PRR16: variants seen among roughly 807,000 people sequenced by gnomAD.
PRR16 encodes protein Largen.
In PRR16, 6 loss-of-function variants were observed where a neutral mutation model predicts 18.2. The observed-to-expected ratio is 0.33, with a 90% CI of 0.18 to 0.65. The LOEUF (loss-of-function observed/expected upper bound fraction) is 0.65, where lower values mean the gene tolerates loss of function less well. Ranked by LOEUF, PRR16 falls within the 30% of genes least tolerant of loss-of-function variation. The probability of loss-of-function intolerance (pLI) is 0.74; values close to 1 mark genes in which losing one functional copy is unlikely to be tolerated. For missense variants in PRR16, 412 were observed against 376.6 expected, an observed-to-expected ratio of 1.09 and a Z score of -0.78; for synonymous variants, 151 against 147.8, an observed-to-expected ratio of 1.02 and a Z score of -0.16.
intron 1 of PRR16, among the ~76,000 whole-genome samples, chr5:120,577,559 C>G: frequency 6.6e-6 from 1 of 152,066 alleles, no homozygotes; most frequent in East Asian, 1.9e-4. Flanking sequence ...CAAACACTAC[C>G]TCTTAGGAGT....
At chr5:120,488,447 T>C (rs557806916) in intron 1 of PRR16, among the ~76,000 whole-genome samples, 1 of 152,330 alleles carries the variant, frequency 6.6e-6, no homozygotes, top group East Asian at 1.9e-4. Context: ...GAGGTGTTTA[T>C]AGTATTCTCT....
At chr5:120,586,374 A>G (rs937286790) in intron 1 of PRR16, among the ~76,000 whole-genome samples, 3 of 152,184 alleles carry the variant, frequency 2.0e-5, no homozygotes, top group South Asian at 2.1e-4. Context: ...TTCTAAAGTA[A>G]TACTGGCATA....
the PRR16 span, among the ~76,000 whole-genome samples, chr5:120,702,678 C>T: frequency 3.9e-5 from 6 of 152,150 alleles, no homozygotes; most frequent in Non-Finnish European, 8.8e-5. Flanking sequence ...ACGGATAAAA[C>T]GTGTCTTCTT....
At chr5:120,571,232 A>T (rs1275563354) in intron 1 of PRR16, among the ~76,000 whole-genome samples, 2 of 152,192 alleles carry the variant, frequency 1.3e-5, no homozygotes, top group Non-Finnish European at 2.9e-5. Context: ...AGGTTAAGGC[A>T]TGTGCATTGC....
chr5:120,491,695 C>A (rs1750055603), intron 1 of PRR16, among the ~76,000 whole-genome samples: 1 of 152,032 alleles, frequency 6.6e-6, no homozygotes, highest in Admixed American at 6.6e-5. Context: ...AGCCACCCGC[C>A]ACCACACCCA....
chr5:120,630,786 C>T (rs1755026411), intron 1 of PRR16, among the ~76,000 whole-genome samples: 1 of 152,098 alleles, frequency 6.6e-6, no homozygotes, highest in Admixed American at 6.6e-5. Flanking sequence ...TGATCAACTT[C>T]CTCCCCAACA....
chr5:120,541,818 A>T (rs565387694), intron 1 of PRR16, among the ~76,000 whole-genome samples: 1 of 152,250 alleles, frequency 6.6e-6, no homozygotes, highest in East Asian at 1.9e-4. Flanking sequence ...TGTGGAATAG[A>T]TATTTTCATC....
chr5:120,562,660 C>T (rs1608669), intron 1 of PRR16, among the ~76,000 whole-genome samples: 50,586 of 151,720 alleles, frequency 0.33, 8,703 homozygotes, highest in African/African-American at 0.38. Flanking sequence ...GTTTTTTGAT[C>T]TGAGGTTACT....
chr5:120,768,729 CAAAA>C, the PRR16 span, among the ~76,000 whole-genome samples: 429 of 151,648 alleles, frequency 2.8e-3, 2 homozygotes, highest in Middle Eastern at 6.8e-3. Context: ...TGATTAAAGT[CAAAA>C]AATATTTGAA....
the PRR16 span, among the ~76,000 whole-genome samples, chr5:120,732,857 A>G: frequency 1.3e-5 from 2 of 152,208 alleles, no homozygotes; most frequent in African/African-American, 4.8e-5. Flanking sequence ...GAATGAATAA[A>G]TGAGTTTTAA....
chr5:120,470,538 A>G (rs778493940), intron 1 of PRR16, among the ~76,000 whole-genome samples: 1 of 152,158 alleles, frequency 6.6e-6, no homozygotes, highest in Admixed American at 6.6e-5. Context: ...GATCGTAACT[A>G]TTACACAGAT....
chr5:120,703,757 A>C, the PRR16 span, among the ~76,000 whole-genome samples: 2 of 152,184 alleles, frequency 1.3e-5, no homozygotes, highest in Admixed American at 6.5e-5. Context: ...TTTCTTATTG[A>C]TGGTTAAAAA....
At chr5:120,493,835 G>T (rs1750150419) in intron 1 of PRR16, among the ~76,000 whole-genome samples, 1 of 152,078 alleles carries the variant, frequency 6.6e-6, no homozygotes, top group Admixed American at 6.6e-5. Context: ...ATACTCTGGA[G>T]ATTCATGCAG....
the PRR16 span, among the ~76,000 whole-genome samples, chr5:120,746,758 G>A: frequency 6.6e-6 from 1 of 152,114 alleles, no homozygotes; most frequent in East Asian, 1.9e-4. Flanking sequence ...GAGAAACATT[G>A]TAACGGAAAA....
the PRR16 span, among the ~76,000 whole-genome samples, chr5:120,774,825 CA>C: frequency 6.6e-6 from 1 of 152,094 alleles, no homozygotes; most frequent in Non-Finnish European, 1.5e-5. Context: ...CAATCATAAG[CA>C]AAATATTATG....
At chr5:120,787,282 C>G in the PRR16 span, among the ~76,000 whole-genome samples, 1 of 151,946 alleles carries the variant, frequency 6.6e-6, no homozygotes, top group Admixed American at 6.6e-5. Context: ...ATTAAATAGG[C>G]AAAATTTTAC....
chr5:120,792,790 G>A, the PRR16 span, among the ~76,000 whole-genome samples: 1 of 151,996 alleles, frequency 6.6e-6, no homozygotes, highest in African/African-American at 2.4e-5. Flanking sequence ...AAATCTAGTT[G>A]GAGAGAACTA....
Position 120,530,275 on chromosome 5 carries a change from ATATATATATT to A in PRR16, c.159+65634_159+65643del, listed in dbSNP as rs1255176202. ...TGTAAATATATATATATATATATAT[ATATATATATT>A]TATTTATTTATTTATTTATTTATTT... On this transcript the variant is annotated intron_variant, in intron 1 of 1. Transcript: ENST00000407149. Among the ~76,000 whole-genome samples, 338 of 125,518 alleles carry A rather than the reference ATATATATATT, an allele frequency of 2.7e-3. 2 individuals carry two copies. Among genetic ancestry groups the A allele is most frequent in the African/African-American group, 7.2e-3 (211 of 29,406 alleles). 82.3% of individuals were successfully genotyped at this position (125,518 alleles called of 152,430 possible). A position where few individuals can be genotyped will look rare whatever the true frequency, so the allele number is the denominator to read the frequency against.
chr5:120,769,108 A>C, the PRR16 span, among the ~76,000 whole-genome samples: 1 of 151,410 alleles, frequency 6.6e-6, no homozygotes, highest in Non-Finnish European at 1.5e-5. Context: ...TTTGAGGTTC[A>C]TACACCTATT....
Sources: gnomAD v4.1 joint callset for allele counts (sites outside exome capture counted in the v4.1 genomes callset) on GRCh38, gnomAD v4.1.1 for gene constraint, MANE v1.5 for transcripts, NCBI Gene and HGNC (gene_info 2026-07-23, HGNC 2026-07-21) for gene names.